CAMK1D: variants seen among roughly 807,000 people sequenced by gnomAD.
CAMK1D encodes the protein calcium/calmodulin-dependent protein kinase type 1D.
A neutral mutation model predicts 47.7 loss-of-function variants in CAMK1D; 9 were observed. The observed-to-expected ratio is 0.19, with a 90% CI of 0.11 to 0.33. CAMK1D has a LOEUF of 0.33. Among genes scored for constraint, CAMK1D ranks in the 10% least tolerant of loss-of-function variants. The probability of loss-of-function intolerance (pLI) is 1.00; values close to 1 mark genes in which losing one functional copy is unlikely to be tolerated. For missense variants in CAMK1D, 291 were observed against 488.7 expected (o/e 0.60, Z 3.81); for synonymous variants, 184 against 184.9 (o/e 0.99, Z 0.04).
chr10:12,712,972 A>G (rs1418744911), intron 3 of CAMK1D, among the ~76,000 whole-genome samples: 1 of 152,202 alleles, frequency 6.6e-6, no homozygotes, highest in Non-Finnish European at 1.5e-5. Context: ...AGGCATGAGC[A>G]TGTAAAAAAT....
At chr10:12,563,366 G>C (rs61848322) in intron 2 of CAMK1D, among the ~76,000 whole-genome samples, 1 of 151,976 alleles carries the variant, frequency 6.6e-6, no homozygotes, top group East Asian at 1.9e-4. Context: ...AAAAAAAAGG[G>C]AAGAAGAACA....
chr10:12,756,365 G>C (rs1278195792), intron 3 of CAMK1D, among the ~76,000 whole-genome samples: 6 of 152,170 alleles, frequency 3.9e-5, no homozygotes, highest in African/African-American at 1.4e-4. Flanking sequence ...ACTAACAAGG[G>C]ATACATTGCA....
At chr10:12,673,992 C>A (rs949909927) in intron 3 of CAMK1D, among the ~76,000 whole-genome samples, 1 of 152,154 alleles carries the variant, frequency 6.6e-6, no homozygotes, top group African/African-American at 2.4e-5. Flanking sequence ...GTCACCCAGG[C>A]TGGAGGGCAC....
intron 2 of CAMK1D, among the ~76,000 whole-genome samples, chr10:12,585,258 C>T (rs892685083): frequency 4.6e-5 from 7 of 152,228 alleles, no homozygotes; most frequent in African/African-American, 1.2e-4. Flanking sequence ...TGCTGGGCCC[C>T]GTCCCCAGAT....
intron 2 of CAMK1D, among the ~76,000 whole-genome samples, chr10:12,575,461 C>T (rs1837464189): frequency 6.6e-6 from 1 of 152,240 alleles, no homozygotes; most frequent in Middle Eastern, 3.4e-3. Context: ...TTCCAAATGT[C>T]CATCTCTGGA....
chr10:12,745,366 G>C (rs755658146), intron 3 of CAMK1D, among the ~76,000 whole-genome samples: 65 of 152,050 alleles, frequency 4.3e-4, no homozygotes, highest in Non-Finnish European at 7.2e-4. Flanking sequence ...ATTGACCAAA[G>C]CTTATAGTTA....
intron 3 of CAMK1D, among the ~76,000 whole-genome samples, chr10:12,693,237 C>T (rs111788475): frequency 0.3 from 45,550 of 151,806 alleles, 7,177 homozygotes; most frequent in Middle Eastern, 0.41. Context: ...TGGTGGCGTG[C>T]GCCTGTAGTC....
chr10:12,380,006 A>C (rs1233141951), intron 1 of CAMK1D, among the ~76,000 whole-genome samples: 1 of 151,778 alleles, frequency 6.6e-6, no homozygotes, highest in African/African-American at 2.4e-5. Flanking sequence ...TGAGGTCAGG[A>C]GATCGAGACC....
intron 6 of CAMK1D, among the ~76,000 whole-genome samples, chr10:12,801,354 T>TATCTTATCTATC (rs57429397): frequency 0.016 from 1,045 of 66,144 alleles, 19 homozygotes; most frequent in East Asian, 0.024. Context: ...TCTATCTATC[T>TATCTTATCTATC]TATCTATCTA....
rs116417253 is a variant in CAMK1D, at chr10:12,455,182, C to T, written c.93-98043C>T. On this transcript the variant is annotated intron_variant, in intron 1 of 10. Transcript: ENST00000619168. ...AATGGCTGGACCTTTTTAGGAATCT[C>T]GCATAAGGATAGAGGGTCTTGCTCT... Among the ~76,000 whole-genome samples, 1,069 of 152,174 alleles carry T rather than the reference C, an allele frequency of 7.0e-3. 15 individuals carry two copies. The highest frequency in any genetic ancestry group is 0.024 in the African/African-American group (977 of 41,516).
chr10:12,632,953 A>G (rs886854881), intron 2 of CAMK1D, among the ~76,000 whole-genome samples: 6 of 152,102 alleles, frequency 3.9e-5, no homozygotes, highest in Non-Finnish European at 8.8e-5. Context: ...TCAGCCTCCC[A>G]AAGTGCTGGG....
intron 6 of CAMK1D, among the ~76,000 whole-genome samples, chr10:12,807,196 G>A (rs865830794): frequency 5.9e-5 from 9 of 152,160 alleles, no homozygotes; most frequent in Admixed American, 2.0e-4. Context: ...AGCTCTGCCC[G>A]GCATGAAAGG....
chr10:12,408,827 C>T (rs940752175), intron 1 of CAMK1D, among the ~76,000 whole-genome samples: 7 of 146,216 alleles, frequency 4.8e-5, no homozygotes, highest in African/African-American at 7.5e-5. Context: ...TTATGGTTTT[C>T]GTTCATTTCT....
At chr10:12,656,109 G>T (rs1021498488) in intron 2 of CAMK1D, among the ~76,000 whole-genome samples, 1 of 152,204 alleles carries the variant, frequency 6.6e-6, no homozygotes, top group Non-Finnish European at 1.5e-5. Context: ...CCAGGAAGGG[G>T]ATGTGACCAG....
intron 1 of CAMK1D, among the ~76,000 whole-genome samples, chr10:12,455,860 C>T (rs1323930238): frequency 2.6e-5 from 4 of 152,188 alleles, no homozygotes; most frequent in Admixed American, 1.3e-4. Flanking sequence ...AGGTGTTATA[C>T]AAAACCATAT....
At chr10:12,602,892 C>CTTATTATTATTATTA (rs1237530193) in intron 2 of CAMK1D, among the ~76,000 whole-genome samples, 2 of 26,424 alleles carry the variant, frequency 7.6e-5, no homozygotes, top group Non-Finnish European at 2.3e-4. Flanking sequence ...TTTCTAACTG[C>CTTATTATTATTATTA]TTGTTATTAT....
intron 2 of CAMK1D, among the ~76,000 whole-genome samples, chr10:12,556,469 C>T (rs1024965460): frequency 6.6e-6 from 1 of 152,034 alleles, no homozygotes; most frequent in Non-Finnish European, 1.5e-5. Flanking sequence ...TGTCTTCTTC[C>T]TTTGGGGTGG....
chr10:12,660,518 T>C (rs1840244850), intron 2 of CAMK1D, among the ~76,000 whole-genome samples: 1 of 152,232 alleles, frequency 6.6e-6, no homozygotes, highest in African/African-American at 2.4e-5. Flanking sequence ...TGGCTTTTTC[T>C]GGAGTTTTCT....
intron 1 of CAMK1D, among the ~76,000 whole-genome samples, chr10:12,449,985 G>C (rs559148320): frequency 1.3e-5 from 2 of 152,004 alleles, no homozygotes; most frequent in South Asian, 2.1e-4. Context: ...GCGACAGAGC[G>C]AGACTCCATC....
Sources: gnomAD v4.1 joint callset for allele counts (sites outside exome capture counted in the v4.1 genomes callset) on GRCh38, gnomAD v4.1.1 for gene constraint, MANE v1.5 for transcripts, NCBI Gene and HGNC (gene_info 2026-07-23, HGNC 2026-07-21) for gene names.